The following GDPD4 variants were observed in gnomAD, a reference collection of about 807,000 sequenced individuals.
GDPD4 encodes the protein glycerophosphodiester phosphodiesterase 6.
GDPD4 carries 60 observed loss-of-function variants against 67.8 expected under a neutral mutation model. The observed-to-expected ratio is 0.88, with a 90% CI of 0.72 to 1.10. The LOEUF is 1.10. Among genes scored for constraint, GDPD4 ranks in the 50% least tolerant of loss-of-function variants. The pLI is 0.00. For synonymous variants in GDPD4, 212 were observed against 210.9 expected (o/e 1.00, Z -0.04); for missense variants, 623 against 613.9 (o/e 1.01, Z -0.16).
intron 3 of GDPD4, 106 bp downstream of exon 3, chr11:77,284,979 G>T (rs935663343): frequency 8.4e-6 from 7 of 829,908 alleles, no homozygotes; most frequent in Non-Finnish European, 1.2e-5. Flanking sequence ...AGTTTTGTCC[G>T]CCTTCCCTAC....
intron 13 of GDPD4, among the ~76,000 whole-genome samples, chr11:77,238,612 GTGAATT>G (rs1958607854): frequency 6.6e-6 from 1 of 150,964 alleles, no homozygotes; most frequent in Admixed American, 6.6e-5. Context: ...ATTATGTTAT[GTGAATT>G]TCACCTCAAT....
At chr11:77,280,554 A>G (rs948013777) in intron 3 of GDPD4, among the ~76,000 whole-genome samples, 1 of 152,212 alleles carries the variant, frequency 6.6e-6, no homozygotes, top group African/African-American at 2.4e-5. Context: ...TTGTCATTTC[A>G]TGGTACTCCT....
At chr11:77,217,365 T>A (rs371241666) in intron 16 of GDPD4, 51 bp from the exon 17 acceptor site, 75 of 1,370,064 alleles carry the variant, frequency 5.5e-5, no homozygotes, top group Admixed American at 8.4e-5. Context: ...CTCCACTCTC[T>A]GTCAGTCATG....
At chr11:77,294,275 T>C (rs1258506239) in intron 1 of GDPD4, among the ~76,000 whole-genome samples, 1 of 152,132 alleles carries the variant, frequency 6.6e-6, no homozygotes, top group East Asian at 1.9e-4. Context: ...TGGGTAAGAG[T>C]ATACAAGAAC....
intron 16 of GDPD4, among the ~76,000 whole-genome samples, chr11:77,217,989 TATTA>T (rs146038044): frequency 0.025 from 3,729 of 152,074 alleles, 154 homozygotes; most frequent in African/African-American, 0.084. Context: ...CTTTTATTTT[TATTA>T]ATTAATTTTT....
intron 11 of GDPD4, among the ~76,000 whole-genome samples, chr11:77,246,643 G>A (rs1056053666): frequency 6.6e-6 from 1 of 152,116 alleles, no homozygotes. Context: ...TATTTCTTAG[G>A]ATTATTTTGA....
At chr11:77,279,447 G>C (rs111279475) in intron 3 of GDPD4, 48 bp from the exon 4 acceptor site, 43,205 of 1,179,798 alleles carry the variant, frequency 0.037, 1,015 homozygotes, top group Non-Finnish European at 0.044. Context: ...GAAATCAGTA[G>C]CATCTGTGTC....
rs1017606714 is a variant in GDPD4 at position 77,236,849 on chromosome 11, T to C, written c.1242-3677A>G. Among the ~76,000 whole-genome samples, 6 of 152,266 alleles carry C rather than the reference T, an allele frequency of 3.9e-5. No homozygotes were observed. In the East Asian group the frequency reaches 9.6e-4, roughly 24 times the overall value. ...TAAGGAACCATTCATTTTTCTTTGA[T>C]TGGGGAAGTTGCTGCCAGAAGAAAG... On this transcript the variant is annotated intron_variant, in intron 13 of 16. Transcript: ENST00000315938.
chr11:77,247,631 C>T (rs1207453671), intron 11 of GDPD4, among the ~76,000 whole-genome samples: 1 of 152,168 alleles, frequency 6.6e-6, no homozygotes, highest in Non-Finnish European at 1.5e-5. Context: ...TCTGGTCCTC[C>T]AGATGAAACA....
At chr11:77,252,046 G>GT (rs1565523153) in intron 11 of GDPD4, among the ~76,000 whole-genome samples, 1 of 68,702 alleles carries the variant, frequency 1.5e-5, no homozygotes, top group African/African-American at 5.6e-5. Flanking sequence ...GGGTTTTTTT[G>GT]TTTGTTTGTT....
At chr11:77,240,514 G>A (rs1452480354) in intron 13 of GDPD4, among the ~76,000 whole-genome samples, 1 of 152,116 alleles carries the variant, frequency 6.6e-6, no homozygotes, top group Non-Finnish European at 1.5e-5. Context: ...TTAAATGTAA[G>A]ACCTGAAACT....
At chr11:77,275,634 C>G (rs1158814391) in intron 5 of GDPD4, among the ~76,000 whole-genome samples, 1 of 152,154 alleles carries the variant, frequency 6.6e-6, no homozygotes, top group South Asian at 2.1e-4. Flanking sequence ...GCTCGTTTCT[C>G]CATCTCCTCT....
At chr11:77,268,107 T>G (rs1324909528) in intron 10 of GDPD4, among the ~76,000 whole-genome samples, 1 of 152,046 alleles carries the variant, frequency 6.6e-6, no homozygotes, top group Non-Finnish European at 1.5e-5. Context: ...TCCCAAGCAC[T>G]CAGAAGAAGG....
At position 77,221,749 on chromosome 11, in the gene GDPD4, C is replaced by T. The variant is rs542568962; in HGVS notation, c.1526-4435G>A. ...CAGTTCTGTAGCTGTCTATTAGGTC[C>T]GCTGGGTGCAGAGCTGAGTTTAAGT... On this transcript the variant is annotated intron_variant, in intron 16 of 16. Transcript: ENST00000315938. Among the ~76,000 whole-genome samples, 28 of 150,592 alleles carry T rather than the reference C, an allele frequency of 1.9e-4. No individual in the cohort carries two copies. The South Asian group carries it at 3.2e-3, about 17-fold the overall frequency.
intron 13 of GDPD4, among the ~76,000 whole-genome samples, chr11:77,235,965 C>CAAA (rs60173558): frequency 3.3e-5 from 4 of 122,454 alleles, no homozygotes; most frequent in African/African-American, 6.1e-5. Context: ...CTATTAAAAA[C>CAAA]AAAAAAAAAA....
At chr11:77,294,006 C>CA (rs1344984893) in intron 1 of GDPD4, among the ~76,000 whole-genome samples, 7 of 152,000 alleles carry the variant, frequency 4.6e-5, no homozygotes, top group African/African-American at 1.7e-4. Flanking sequence ...CAAAATTCTA[C>CA]AAAAAACTTA....
At chr11:77,263,417 TA>T in intron 10 of GDPD4, among the ~76,000 whole-genome samples, 1 of 152,056 alleles carries the variant, frequency 6.6e-6, no homozygotes, top group African/African-American at 2.4e-5. Context: ...GATCATATTG[TA>T]AACTCTAGCA....
At position 77,217,191 on chromosome 11, in the gene GDPD4, G is replaced by T. The variant is rs773098667; in HGVS notation, c.*86C>A. The T allele has an allele frequency of 4.0e-6, 4 of 1,004,152 alleles. No homozygotes were observed. In the Admixed American group the frequency reaches 6.8e-5, roughly 17 times the overall value. The allele number at this position is 1,004,152 out of a possible 1,614,324, so 62.2% of individuals were successfully genotyped here. A position where few individuals can be genotyped will look rare whatever the true frequency, so the allele number is the denominator to read the frequency against. On this transcript the variant is annotated 3_prime_UTR_variant, in exon 17 of 17. Coordinates refer to ENST00000315938, the MANE Select transcript of GDPD4 (RefSeq NM_182833.3). ...CCTTGGTGTTCCTTTCCACTCTTGGGTAGAGCCGGGTAGAGGGCTGCTAGA... is the reference window on the plus strand; with the variant it reads ...CCTTGGTGTTCCTTTCCACTCTTGGTTAGAGCCGGGTAGAGGGCTGCTAGA...
intron 13 of GDPD4, among the ~76,000 whole-genome samples, chr11:77,233,806 T>C (rs1958499995): frequency 6.6e-6 from 1 of 152,136 alleles, no homozygotes; most frequent in East Asian, 1.9e-4. Context: ...CAAATATTAA[T>C]TGAAAAAATA....
Sources: allele counts gnomAD v4.1 joint callset (sites outside exome capture counted in the v4.1 genomes callset), GRCh38; gene constraint gnomAD v4.1.1; transcripts MANE v1.5; gene names NCBI Gene and HGNC (gene_info 2026-07-23, HGNC 2026-07-21).